LDLRAD4: variants seen among roughly 807,000 people sequenced by gnomAD.
LDLRAD4 encodes low-density lipoprotein receptor class A domain-containing protein 4.
In LDLRAD4, 5 loss-of-function variants were observed where a neutral mutation model predicts 17.0. The ratio of observed to expected loss-of-function variants is 0.29; its 90% CI spans 0.15 to 0.62. The LOEUF (loss-of-function observed/expected upper bound fraction) is 0.62, where lower values mean the gene tolerates loss of function less well. Among genes scored for constraint, LDLRAD4 ranks in the 20% least tolerant of loss-of-function variants. The pLI is 0.84. For missense variants in LDLRAD4, 340 were observed against 424.7 expected (o/e 0.80, Z 1.75); for synonymous variants, 168 against 171.8 (o/e 0.98, Z 0.17).
At chr18:13,533,229 A>G (rs1402412978) in intron 3 of LDLRAD4, among the ~76,000 whole-genome samples, 1 of 152,110 alleles carries the variant, frequency 6.6e-6, no homozygotes, top group Non-Finnish European at 1.5e-5. Flanking sequence ...CCACAAAGAG[A>G]TGTTTTTGTT....
intron 1 of LDLRAD4, chr18:13,240,916 T>TTTTTC (rs796209182): frequency 2.6e-5 from 4 of 152,582 alleles, no homozygotes; most frequent in Non-Finnish European, 4.4e-5. Context: ...GCGGGCTTTT[T>TTTTTC]TTTTCTTTTC....
chr18:13,639,638 A>G (rs895287326), intron 4 of LDLRAD4, among the ~76,000 whole-genome samples: 2 of 152,148 alleles, frequency 1.3e-5, no homozygotes, highest in Non-Finnish European at 2.9e-5. Flanking sequence ...TGGGGCACAG[A>G]GCTGGAATGC....
chr18:13,372,163 G>A (rs1373623561), intron 1 of LDLRAD4, among the ~76,000 whole-genome samples: 1 of 152,238 alleles, frequency 6.6e-6, no homozygotes, highest in African/African-American at 2.4e-5. Flanking sequence ...ACTGCCGTGT[G>A]CCCTTGCCAG....
chr18:13,394,990 A>ATTAATCCAG (rs1265021980), intron 2 of LDLRAD4, among the ~76,000 whole-genome samples: 3 of 152,128 alleles, frequency 2.0e-5, no homozygotes, highest in Non-Finnish European at 4.4e-5. Flanking sequence ...GGAGTCCTTA[A>ATTAATCCAG]TACTGGATTC....
At chr18:13,474,299 G>A (rs970171384) in intron 3 of LDLRAD4, among the ~76,000 whole-genome samples, 12 of 152,124 alleles carry the variant, frequency 7.9e-5, no homozygotes, top group Middle Eastern at 3.2e-3. Flanking sequence ...CCGCTAAGCC[G>A]TGAGGAATCC....
chr18:13,307,050 G>C (rs2046955676), intron 1 of LDLRAD4, among the ~76,000 whole-genome samples: 1 of 152,218 alleles, frequency 6.6e-6, no homozygotes, highest in Admixed American at 6.5e-5. Flanking sequence ...TATTCAGACT[G>C]CTTTTGACTT....
intron 1 of LDLRAD4, among the ~76,000 whole-genome samples, chr18:13,266,946 A>G (rs2044253624): frequency 1.3e-5 from 2 of 152,270 alleles, no homozygotes; most frequent in African/African-American, 2.4e-5. Context: ...ACTGAAGGCT[A>G]GATCTCCTTT....
intron 2 of LDLRAD4, among the ~76,000 whole-genome samples, chr18:13,414,673 G>A (rs1477834176): frequency 6.6e-6 from 1 of 152,260 alleles, no homozygotes; most frequent in Non-Finnish European, 1.5e-5. Context: ...GGGATGGTGA[G>A]GGAGGAGGCT....
chr18:13,258,298 C>T (rs1425844146), intron 1 of LDLRAD4, among the ~76,000 whole-genome samples: 1 of 152,084 alleles, frequency 6.6e-6, no homozygotes, highest in African/African-American at 2.4e-5. Context: ...TTTTGCTTAA[C>T]AGAGAATGTT....
intron 2 of LDLRAD4, chr18:13,423,523 A>G: frequency 6.6e-6 from 1 of 151,492 alleles, no homozygotes; most frequent in East Asian, 1.9e-4. Flanking sequence ...GAAGAACCCC[A>G]TTTACTACAT....
intron 3 of LDLRAD4, among the ~76,000 whole-genome samples, chr18:13,524,803 A>G (rs538960379): frequency 6.6e-6 from 1 of 152,308 alleles, no homozygotes; most frequent in East Asian, 1.9e-4. Context: ...TTTTCTCCAC[A>G]TCAGAACTAA....
chr18:13,217,999 G>C (rs1332209450), upstream of LDLRAD4: 1 of 150,858 alleles, frequency 6.6e-6, no homozygotes, highest in Non-Finnish European at 1.5e-5. This position sits in a 1 kb window ranked among gnomAD's most constrained non-coding sequence, Gnocchi z 4.9. Context: ...CCCCTGCCGC[G>C]CCCCGCACAG....
At chr18:13,397,165 T>G (rs2086771069) in intron 2 of LDLRAD4, among the ~76,000 whole-genome samples, 1 of 152,006 alleles carries the variant, frequency 6.6e-6, no homozygotes, top group African/African-American at 2.4e-5. Flanking sequence ...AGACGGAGTC[T>G]CTCTCTGTCG....
chr18:13,645,455 G>A lies in LDLRAD4; in HGVS notation c.719G>A (p.Ser240Asn). The A allele has an allele frequency of 6.2e-7, 1 of 1,613,348 alleles. No individual in the cohort carries two copies. The change falls in exon 6 of 6, where the codon AGC (serine) becomes AAC (asparagine). Residue 240 changes from serine (S) to asparagine (N), a missense_variant. Ser to Asn is a conservative substitution (Grantham distance 46, BLOSUM62 1). Transcript: ENST00000359446. The surrounding 1 kb of genome is among the most constrained non-coding windows in gnomAD (Gnocchi z 5.7). ...AGCAGCAACTCGGGCATCAGTGCAA[G>A]CACCTGCAGCAGTAACGGGAGGATG...
chr18:13,411,876 T>C (rs1279175832), intron 2 of LDLRAD4, among the ~76,000 whole-genome samples: 2 of 152,178 alleles, frequency 1.3e-5, no homozygotes, highest in Admixed American at 6.5e-5. Flanking sequence ...AGAGTCTTAC[T>C]CTGTTTTCCA....
At chr18:13,269,812 C>T (rs1461272860) in intron 1 of LDLRAD4, among the ~76,000 whole-genome samples, 10 of 152,210 alleles carry the variant, frequency 6.6e-5, no homozygotes, top group Admixed American at 6.5e-4. Flanking sequence ...CAGCCTTCTT[C>T]GACCCCTTCC....
intron 3 of LDLRAD4, among the ~76,000 whole-genome samples, chr18:13,617,037 C>T (rs910319437): frequency 4.6e-5 from 7 of 151,848 alleles, no homozygotes; most frequent in African/African-American, 1.5e-4. Context: ...CAGGGCAGGG[C>T]GGTACCTGTG....
At chr18:13,639,693 T>G (rs2042361703) in intron 4 of LDLRAD4, among the ~76,000 whole-genome samples, 2 of 152,186 alleles carry the variant, frequency 1.3e-5, no homozygotes, top group Non-Finnish European at 2.9e-5. Context: ...CCACAGCATG[T>G]TGTAGTTATA....
intron 1 of LDLRAD4, among the ~76,000 whole-genome samples, chr18:13,292,932 GGC>G (rs925785787): frequency 3.9e-5 from 6 of 152,222 alleles, no homozygotes; most frequent in African/African-American, 1.4e-4. Flanking sequence ...CGATGACGGA[GGC>G]CATGCGGATT....
Sources: allele counts gnomAD v4.1 joint callset (sites outside exome capture counted in the v4.1 genomes callset), GRCh38; gene constraint gnomAD v4.1.1; non-coding constraint Gnocchi (gnomAD v3.1); transcripts MANE v1.5; gene names NCBI Gene and HGNC (gene_info 2026-07-23, HGNC 2026-07-21).